The following USP9X variants were observed in gnomAD, a reference collection of about 807,000 sequenced individuals.
USP9X encodes ubiquitin carboxyl-terminal hydrolase 9X.
In USP9X, 7 loss-of-function variants were observed where a neutral mutation model predicts 190.3. That is an observed-to-expected ratio of 0.04 (90% CI 0.02 to 0.07). The LOEUF (loss-of-function observed/expected upper bound fraction) is 0.07, where lower values mean the gene tolerates loss of function less well. Ranked by LOEUF, USP9X falls within the 10% of genes least tolerant of loss-of-function variation. The pLI is 1.00. For synonymous variants in USP9X, 645 were observed against 659.5 expected (o/e 0.98, Z 0.34); for missense variants, 1,010 against 1,916.9 (o/e 0.53, Z 8.83).
At chrX:41,208,377 C>T (rs941991542) in intron 32 of USP9X, among the ~76,000 whole-genome samples, 11 of 112,022 alleles carry the variant, frequency 9.8e-5, no homozygotes, top group Non-Finnish European at 1.9e-5. Flanking sequence ...AATTTTTTCT[C>T]TTGTAATGCC....
intron 21 of USP9X, among the ~76,000 whole-genome samples, chrX:41,182,846 A>G (rs948075762): frequency 1.8e-5 from 2 of 111,377 alleles, no homozygotes; most frequent in African/African-American, 6.5e-5. Flanking sequence ...AGTAGAGAGA[A>G]GTGACAGTTT....
intron 41 of USP9X, 59 bp from the exon 42 acceptor site, chrX:41,229,194 C>A (rs2063340644): frequency 1.1e-6 from 1 of 945,311 alleles, no homozygotes; most frequent in Non-Finnish European, 1.4e-6. Flanking sequence ...AGTAGGCACT[C>A]AGTATATATT....
rs894215673 is a variant in USP9X, at chrX:41,159,454, T to C, written c.1898-3336T>C. ...AATGTATACATAAATCTGTACAACA[T>C]GAATGAACTTTGAAAACATTATGCT... On this transcript the variant is annotated intron_variant, in intron 14 of 44. Transcript: ENST00000378308. Among the ~76,000 whole-genome samples, 4 of 111,837 alleles carry C rather than the reference T, an allele frequency of 3.6e-5. No individual in the cohort carries two copies. In the Admixed American group the frequency reaches 3.8e-4, roughly 11 times the overall value.
intron 2 of USP9X, among the ~76,000 whole-genome samples, chrX:41,126,073 C>G (rs1284424069): frequency 9.0e-6 from 1 of 111,228 alleles, no homozygotes; most frequent in Non-Finnish European, 1.9e-5. Context: ...GGGATAAGTT[C>G]TTATTGTCCA....
At chrX:41,103,845 C>T (rs1438964188) in intron 1 of USP9X, among the ~76,000 whole-genome samples, 7 of 111,568 alleles carry the variant, frequency 6.3e-5, no homozygotes. Context: ...TTTGTATTTA[C>T]TAGGTTATTT....
At chrX:41,205,565 T>G in intron 32 of USP9X, 72 bp downstream of exon 32, 4 of 951,519 alleles carry the variant, frequency 4.2e-6, no homozygotes, top group East Asian at 3.5e-5. Flanking sequence ...ATTAAACCTC[T>G]AAAAGACATG....
At chrX:41,136,505 A>G (rs1488112980) in intron 5 of USP9X, among the ~76,000 whole-genome samples, 1 of 112,505 alleles carries the variant, frequency 8.9e-6, no homozygotes, top group Admixed American at 9.4e-5. Flanking sequence ...CTCGTGTACA[A>G]ATTCCACAGA....
At chrX:41,143,073 C>A (rs755015011) in intron 9 of USP9X, among the ~76,000 whole-genome samples, 18 of 111,153 alleles carry the variant, frequency 1.6e-4, no homozygotes, top group Non-Finnish European at 3.2e-4. Context: ...GTAGAATCTT[C>A]TTAATTTCAG....
chrX:41,217,354 T>G lies in USP9X; in HGVS notation c.6209+11T>G. ...CTCTGCCAGTGATTGGTACATTGCT[T>G]TGGATTTTCATTCCTATTATACTAA... On this transcript the variant is annotated intron_variant, in intron 36 of 44. Transcript: ENST00000378308. 8.4e-7 allele frequency: 1 copy of G among 1,196,261 alleles called. No homozygotes were observed. The highest frequency in any genetic ancestry group is 1.1e-6 in the Non-Finnish European group (1 of 889,924).
chrX:41,100,647 T>A (rs763231166), intron 1 of USP9X, among the ~76,000 whole-genome samples: 1 of 111,444 alleles, frequency 9.0e-6, no homozygotes, highest in East Asian at 2.8e-4. Flanking sequence ...TTTATTTATT[T>A]AAAAAAAATT....
intron 21 of USP9X, among the ~76,000 whole-genome samples, chrX:41,183,460 T>C (rs930497793): frequency 2.7e-5 from 3 of 111,812 alleles, no homozygotes; most frequent in Non-Finnish European, 5.6e-5. Flanking sequence ...TTTAAAATTA[T>C]GTTTTAATAT....
At chrX:41,229,806 G>T in intron 43 of USP9X, 27 bp downstream of exon 43, 1 of 1,210,963 alleles carries the variant, frequency 8.3e-7, no homozygotes, top group Non-Finnish European at 1.1e-6. Flanking sequence ...GTGTGCAGCA[G>T]ATAGAAATGG....
chrX:41,197,351 C>CCCCCCCGGGGCCGG lies in USP9X; in HGVS notation c.4234-12_4234-11insCCCCCGGGGCCGGC. The CCCCCCCGGGGCCGG allele has an allele frequency of 1.1e-6, 1 of 939,390 alleles. No individual in the cohort carries two copies. Among genetic ancestry groups the CCCCCCCGGGGCCGG allele is most frequent in the Non-Finnish European group, 1.4e-6 (1 of 728,824 alleles). 77.4% of individuals were successfully genotyped at this position (939,390 alleles called of 1,213,427 possible). A position where few individuals can be genotyped will look rare whatever the true frequency, so the allele number is the denominator to read the frequency against. ...TTTCTTCCCCCCCCCACCCCACCCC[C>CCCCCCCGGGGCCGG]CGCCTTTGGCAGGATGATGTTAAAA... On this transcript the variant is annotated splice_polypyrimidine_tract_variant and intron_variant, in intron 28 of 44. Coordinates refer to ENST00000378308, the MANE Select transcript of USP9X (RefSeq NM_001039591.3).
intron 1 of USP9X, among the ~76,000 whole-genome samples, chrX:41,096,849 T>TA (rs1206130094): frequency 6.2e-5 from 7 of 112,482 alleles, no homozygotes; most frequent in African/African-American, 1.9e-4. Flanking sequence ...AGAGGTGAGT[T>TA]AAACTACTAC....
chrX:41,216,713 A>G (rs2063215235), intron 35 of USP9X, 61 bp downstream of exon 35: 2 of 1,082,386 alleles, frequency 1.8e-6, no homozygotes, highest in Admixed American at 5.8e-5. Context: ...AGGCGTCAAC[A>G]TGTTTAAGTT....
chrX:41,225,871 C>T (rs2063308084), intron 41 of USP9X, among the ~76,000 whole-genome samples: 1 of 112,719 alleles, frequency 8.9e-6, no homozygotes, highest in Admixed American at 9.4e-5. Context: ...AGCACTTCAA[C>T]ATTATATACT....
At chrX:41,162,429 C>CA (rs1440327604) in intron 14 of USP9X, among the ~76,000 whole-genome samples, 6 of 111,556 alleles carry the variant, frequency 5.4e-5, no homozygotes, top group African/African-American at 2.0e-4. Context: ...TTCAATATAA[C>CA]AGGTAAGAAA....
chrX:41,094,264 C>T (rs2061974178), intron 1 of USP9X, among the ~76,000 whole-genome samples: 1 of 108,855 alleles, frequency 9.2e-6, no homozygotes, highest in African/African-American at 3.4e-5. Context: ...GCAACCTCCG[C>T]CTCCTGGGTT....
intron 1 of USP9X, among the ~76,000 whole-genome samples, chrX:41,088,845 C>G (rs1483377535): frequency 1.8e-5 from 2 of 110,906 alleles, no homozygotes; most frequent in African/African-American, 6.6e-5. Context: ...GAAAGCCATC[C>G]TGTGTATTGC....
Sources: gnomAD v4.1 joint callset for allele counts (sites outside exome capture counted in the v4.1 genomes callset) on GRCh38, gnomAD v4.1.1 for gene constraint, MANE v1.5 for transcripts, NCBI Gene and HGNC (gene_info 2026-07-23, HGNC 2026-07-21) for gene names.